Variants in SLC25A40 observed in about 807,000 individuals in gnomAD.
SLC25A40 encodes the protein mitochondrial glutathione transporter SLC25A40.
A neutral mutation model predicts 46.5 loss-of-function variants in SLC25A40; 41 were observed. The observed-to-expected ratio is 0.88, with a 90% CI of 0.69 to 1.14. The LOEUF (loss-of-function observed/expected upper bound fraction) is 1.14, where lower values mean the gene tolerates loss of function less well. Ranked by LOEUF, SLC25A40 falls within the 50% of genes most tolerant of loss-of-function variation. The probability of loss-of-function intolerance (pLI) is 0.00; values close to 1 mark genes in which losing one functional copy is unlikely to be tolerated. For synonymous variants in SLC25A40, 126 were observed against 127.5 expected (o/e 0.99, Z 0.08); for missense variants, 386 against 393.6 (o/e 0.98, Z 0.16).
intron 10 of SLC25A40, among the ~76,000 whole-genome samples, chr7:87,838,329 A>G (rs1312716574): frequency 6.6e-6 from 1 of 151,456 alleles, no homozygotes; most frequent in Non-Finnish European, 1.5e-5. Context: ...TCATGCCCCA[A>G]ACTAGTTTCT....
At chr7:87,870,791 T>G (rs912122753) in intron 1 of SLC25A40, among the ~76,000 whole-genome samples, 4 of 152,208 alleles carry the variant, frequency 2.6e-5, no homozygotes, top group African/African-American at 9.6e-5. Context: ...TCAGCTCCCC[T>G]TCTTGCTGAG....
chr7:87,848,474 T>C (rs1352616257), intron 6 of SLC25A40, among the ~76,000 whole-genome samples: 1 of 152,196 alleles, frequency 6.6e-6, no homozygotes, highest in Admixed American at 6.5e-5. Flanking sequence ...TTCATCTCCA[T>C]CTCTGTTTCT....
intron 1 of SLC25A40, among the ~76,000 whole-genome samples, chr7:87,867,299 T>A (rs1045257777): frequency 3.7e-4 from 57 of 152,352 alleles, no homozygotes; most frequent in African/African-American, 1.3e-3. Context: ...CTTTTCATTC[T>A]TTTTATTCTC....
rs761851248 is a variant in SLC25A40, at chr7:87,843,745, T to C, written c.741+9A>G. On this transcript the variant is annotated intron_variant, in intron 9 of 11. Coordinates refer to ENST00000341119, the MANE Select transcript of SLC25A40 (RefSeq NM_018843.4). ...TTCTGGAATATTAACAACAAAAGAATAAACTTACAGAACCAGACAATGCCC... is the reference window on the plus strand; with the variant it reads ...TTCTGGAATATTAACAACAAAAGAACAAACTTACAGAACCAGACAATGCCC... The C allele has an allele frequency of 1.9e-6, 3 of 1,576,132 alleles. No homozygotes were observed. Among genetic ancestry groups the C allele is most frequent in the Non-Finnish European group, 2.6e-6 (3 of 1,150,028 alleles).
At chr7:87,836,462 GAAGT>G (rs1838259381) in intron 11 of SLC25A40, 101 bp from the exon 12 acceptor site, 2 of 732,314 alleles carry the variant, frequency 2.7e-6, no homozygotes, top group Admixed American at 7.7e-5. Context: ...CAAATTAAAT[GAAGT>G]AATATGTTCA....
At position 87,847,969 on chromosome 7, in the gene SLC25A40, G is replaced by A; in HGVS notation, c.341C>T (p.Ala114Val). Residue 114 changes from alanine (A) to valine (V), a missense_variant, in exon 7 of 12, where the codon GCA (alanine) becomes GTA (valine). Transcript: ENST00000341119. ...WSGLPPTLVM[A>V]VPATVIYFTC... ...AAAATAAATAACTGTGGCAGGAACT[G>A]CCATCACTCTGTTAGATCACACAAA... is the stretch of plus-strand genomic sequence containing the variant. The A allele has an allele frequency of 1.2e-6, 2 of 1,605,728 alleles. No individual in the cohort carries two copies. The highest frequency in any genetic ancestry group is 1.7e-6 in the Non-Finnish European group (2 of 1,177,262).
At chr7:87,861,053 T>C (rs753398716) in intron 1 of SLC25A40, among the ~76,000 whole-genome samples, 9 of 152,138 alleles carry the variant, frequency 5.9e-5, no homozygotes, top group Non-Finnish European at 8.8e-5. Context: ...CAATCTTTAA[T>C]CTGAATCTGA....
At chr7:87,856,705 C>T (rs1179927365) in intron 3 of SLC25A40, among the ~76,000 whole-genome samples, 1 of 152,044 alleles carries the variant, frequency 6.6e-6, no homozygotes. Flanking sequence ...TATAAGTAAT[C>T]AATAGCCAAA....
At chr7:87,859,686 G>A (rs953001785) in intron 2 of SLC25A40, among the ~76,000 whole-genome samples, 1 of 152,098 alleles carries the variant, frequency 6.6e-6, no homozygotes, top group African/African-American at 2.4e-5. Context: ...TATAGACATT[G>A]TGTCAATAAA....
At position 87,859,465 on chromosome 7, in the gene SLC25A40, AC is replaced by A. The variant is rs74447737; in HGVS notation, c.-24-715del. Among the ~76,000 whole-genome samples the A allele has an allele frequency of 3.9e-4, 60 of 152,154 alleles. No homozygotes were observed. The East Asian group carries it at 9.8e-3, about 25-fold the overall frequency. ...TCAAAAAAAAATAATAATAATAATCACCAGCAACAGGAATGTCATCTTTCCA... is the reference window on the plus strand; with the variant it reads ...TCAAAAAAAAATAATAATAATAATCACAGCAACAGGAATGTCATCTTTCCA... On this transcript the variant is annotated intron_variant, in intron 2 of 11. Coordinates refer to ENST00000341119, the MANE Select transcript of SLC25A40 (RefSeq NM_018843.4).
In SLC25A40 at chr7:87,858,737, T is replaced by A; in HGVS notation, c.-10A>T. The A allele has an allele frequency of 6.4e-7, 1 of 1,574,300 alleles. No homozygotes were observed. Among genetic ancestry groups the A allele is most frequent in the Non-Finnish European group, 8.7e-7 (1 of 1,144,882 alleles). On this transcript the variant is annotated 5_prime_UTR_variant, in exon 3 of 12. Transcript: ENST00000341119. ...TTGTCTCAGGATCCATATTTTTAACTAATTAAATAAAAACCTGTTAAAAAG... is the reference window on the plus strand; with the variant it reads ...TTGTCTCAGGATCCATATTTTTAACAAATTAAATAAAAACCTGTTAAAAAG...
In SLC25A40 at chr7:87,849,867, A is replaced by C. The variant is rs766333344; in HGVS notation, c.332+14T>G. The C allele has an allele frequency of 9.1e-6, 14 of 1,544,068 alleles. No homozygotes were observed. The highest frequency in any genetic ancestry group is 4.0e-5 in the Admixed American group (2 of 50,308). On this transcript the variant is annotated intron_variant, in intron 6 of 11. Coordinates refer to ENST00000341119, the MANE Select transcript of SLC25A40 (RefSeq NM_018843.4). Reference sequence around the variant, plus strand: ...ATCATTATTTAGTAGAAAAAACATTAAATTTCAACTTACAGGGTAGGAGGA... The same window carrying C: ...ATCATTATTTAGTAGAAAAAACATTCAATTTCAACTTACAGGGTAGGAGGA...
At chr7:87,839,219 C>T (rs183829022) in intron 10 of SLC25A40, among the ~76,000 whole-genome samples, 5 of 151,534 alleles carry the variant, frequency 3.3e-5, no homozygotes, top group Admixed American at 2.6e-4. Flanking sequence ...CTTGGTATTA[C>T]TAAAATTGAA....
chr7:87,857,917 G>A (rs568848521), intron 3 of SLC25A40, among the ~76,000 whole-genome samples: 10 of 152,320 alleles, frequency 6.6e-5, no homozygotes, highest in Non-Finnish European at 1.5e-4. Flanking sequence ...TGCAAGTAGG[G>A]AAGATATTGC....
At chr7:87,843,698 T>C (rs1253677393) in intron 9 of SLC25A40, 56 bp downstream of exon 9, 1 of 1,373,524 alleles carries the variant, frequency 7.3e-7, no homozygotes, top group African/African-American at 1.5e-5. Context: ...TATTTTGTTT[T>C]GTTTTAATAC....
intron 1 of SLC25A40, among the ~76,000 whole-genome samples, chr7:87,873,691 A>G (rs112386534): frequency 1.3e-5 from 2 of 152,082 alleles, no homozygotes; most frequent in African/African-American, 4.8e-5. Context: ...CGGCCTCCCA[A>G]AGTGCTGGGA....
chr7:87,847,463 A>G (rs1838438778), intron 7 of SLC25A40, among the ~76,000 whole-genome samples: 1 of 152,168 alleles, frequency 6.6e-6, no homozygotes, highest in Non-Finnish European at 1.5e-5. Context: ...TAGCAGAGTA[A>G]ACGTTCTTCT....
chr7:87,860,952 TA>T (rs1186672124), intron 1 of SLC25A40, among the ~76,000 whole-genome samples: 1 of 152,212 alleles, frequency 6.6e-6, no homozygotes, highest in Admixed American at 6.5e-5. Context: ...CCAGATTTTG[TA>T]ACACAAAATT....
intron 6 of SLC25A40, 41 bp downstream of exon 6, chr7:87,849,837 TAAC>T: frequency 1.5e-6 from 2 of 1,333,380 alleles, no homozygotes; most frequent in Non-Finnish European, 2.1e-6. Flanking sequence ...TAGGATAAAA[TAAC>T]AATCATTATT....
Sources: gnomAD v4.1 joint callset for allele counts (sites outside exome capture counted in the v4.1 genomes callset) on GRCh38, gnomAD v4.1.1 for gene constraint, MANE v1.5 for transcripts, NCBI Gene and HGNC (gene_info 2026-07-23, HGNC 2026-07-21) for gene names.